Variants in NELL1 observed in about 807,000 individuals in gnomAD.
NELL1 encodes the protein neural EGFL like 1.
NELL1 carries 76 observed loss-of-function variants against 107.4 expected under a neutral mutation model. The ratio of observed to expected loss-of-function variants is 0.71; its 90% CI spans 0.59 to 0.86. The LOEUF is 0.86. Ranked by LOEUF, NELL1 falls within the 40% of genes least tolerant of loss-of-function variation. NELL1 has a pLI of 0.00. For synonymous variants in NELL1, 353 were observed against 341.2 expected, an observed-to-expected ratio of 1.03 and a Z score of -0.38; for missense variants, 1,024 against 1,005.5, an observed-to-expected ratio of 1.02 and a Z score of -0.25.
At chr11:20,721,234 T>TTATATATATATTTTGTTTATATA (rs1554906601) in intron 2 of NELL1, among the ~76,000 whole-genome samples, 48 of 138,846 alleles carry the variant, frequency 3.5e-4, no homozygotes, top group Middle Eastern at 3.9e-3. Flanking sequence ...TATATTTTGT[T>TTATATATATATTTTGTTTATATA]TATATATATA....
At chr11:21,573,090 T>C in intron 18 of NELL1, 95 bp from the exon 19 acceptor site, 2 of 888,046 alleles carry the variant, frequency 2.3e-6, no homozygotes, top group Admixed American at 4.3e-5. Context: ...TATTCAGTGA[T>C]GAGAATTACT....
At chr11:21,148,203 C>T (rs1208700111) in intron 13 of NELL1, among the ~76,000 whole-genome samples, 1 of 152,118 alleles carries the variant, frequency 6.6e-6, no homozygotes, top group African/African-American at 2.4e-5. Context: ...AAAAATAATT[C>T]CAGATAGCTC....
chr11:21,474,914 AG>A (rs1854285706), intron 15 of NELL1, among the ~76,000 whole-genome samples: 1 of 152,046 alleles, frequency 6.6e-6, no homozygotes, highest in Non-Finnish European at 1.5e-5. Flanking sequence ...CTCTCTTCCT[AG>A]TTATTTGACC....
chr11:20,903,162 A>G (rs780925529), intron 5 of NELL1, among the ~76,000 whole-genome samples: 18 of 152,066 alleles, frequency 1.2e-4, no homozygotes, highest in Non-Finnish European at 2.6e-4. Flanking sequence ...GAATATATGT[A>G]TATATGTGTG....
chr11:20,939,307 A>T (rs35495279), intron 10 of NELL1, among the ~76,000 whole-genome samples: 1 of 151,786 alleles, frequency 6.6e-6, no homozygotes, highest in East Asian at 1.9e-4. Context: ...GGTAAAAATG[A>T]CAATGTTATT....
intron 14 of NELL1, among the ~76,000 whole-genome samples, chr11:21,250,613 C>A (rs1394217469): frequency 6.6e-6 from 1 of 152,098 alleles, no homozygotes; most frequent in Non-Finnish European, 1.5e-5. Flanking sequence ...CAAACAAACT[C>A]AAAAGAGTCA....
intron 12 of NELL1, among the ~76,000 whole-genome samples, chr11:21,000,729 G>A (rs915992364): frequency 6.6e-6 from 1 of 152,184 alleles, no homozygotes; most frequent in African/African-American, 2.4e-5. Flanking sequence ...CATTTCTGAA[G>A]TTAAATATTC....
intron 15 of NELL1, among the ~76,000 whole-genome samples, chr11:21,478,951 T>C (rs756262142): frequency 6.6e-6 from 1 of 151,982 alleles, no homozygotes; most frequent in Non-Finnish European, 1.5e-5. Context: ...GTGCTCAATA[T>C]TGATCATCAG....
At chr11:21,066,826 C>T (rs575392791) in intron 12 of NELL1, among the ~76,000 whole-genome samples, 7 of 152,028 alleles carry the variant, frequency 4.6e-5, no homozygotes, top group African/African-American at 7.2e-5. Context: ...TGATGGTGCA[C>T]GCTTGTAATC....
chr11:21,229,203 C>T (rs544561659), intron 13 of NELL1, 129 bp from the exon 14 acceptor site: 72 of 966,420 alleles, frequency 7.5e-5, no homozygotes, highest in East Asian at 4.1e-4. Flanking sequence ...AACTTTTAGG[C>T]GCATAGTAAG....
At chr11:21,104,457 C>G (rs1854897963) in intron 12 of NELL1, among the ~76,000 whole-genome samples, 1 of 152,064 alleles carries the variant, frequency 6.6e-6, no homozygotes, top group Non-Finnish European at 1.5e-5. Context: ...TTGAGCCTAG[C>G]AAGGGGAAAT....
At chr11:20,874,783 C>T (rs1052406212) in intron 4 of NELL1, among the ~76,000 whole-genome samples, 2 of 152,136 alleles carry the variant, frequency 1.3e-5, no homozygotes, top group African/African-American at 2.4e-5. Flanking sequence ...CTCAAAGTGC[C>T]TCCTTATAGC....
At chr11:21,314,841 G>A (rs1295412721) in intron 14 of NELL1, among the ~76,000 whole-genome samples, 1 of 152,004 alleles carries the variant, frequency 6.6e-6, no homozygotes, top group African/African-American at 2.4e-5. Context: ...CTGGAAGAAA[G>A]TGCAGTGGAT....
intron 2 of NELL1, among the ~76,000 whole-genome samples, chr11:20,727,992 G>T (rs191169022): frequency 1.8e-4 from 28 of 152,216 alleles, no homozygotes; most frequent in African/African-American, 6.0e-4. Flanking sequence ...TTTAATAATA[G>T]TTATTCTAAC....
intron 12 of NELL1, among the ~76,000 whole-genome samples, chr11:21,093,095 G>A (rs1344794376): frequency 1.3e-5 from 2 of 152,106 alleles, no homozygotes; most frequent in African/African-American, 2.4e-5. Context: ...GGAAAAGCCC[G>A]ATTTGTAGTT....
At chr11:20,892,400 C>T (rs529378848) in intron 5 of NELL1, among the ~76,000 whole-genome samples, 11 of 152,206 alleles carry the variant, frequency 7.2e-5, no homozygotes, top group African/African-American at 1.9e-4. Flanking sequence ...TCATACCAGT[C>T]GGAATGGTGA....
At chr11:21,112,290 C>T (rs1411168093) in intron 12 of NELL1, among the ~76,000 whole-genome samples, 1 of 151,818 alleles carries the variant, frequency 6.6e-6, no homozygotes, top group African/African-American at 2.4e-5. Flanking sequence ...GATGTTATTT[C>T]AATATATTTT....
At chr11:20,732,137 C>G (rs1194137716) in intron 2 of NELL1, among the ~76,000 whole-genome samples, 1 of 151,994 alleles carries the variant, frequency 6.6e-6, no homozygotes, top group East Asian at 1.9e-4. Flanking sequence ...AGTCCTTTCC[C>G]TCGGTGGAAG....
At chr11:21,121,925 T>C (rs1050566643) in intron 13 of NELL1, among the ~76,000 whole-genome samples, 2 of 152,196 alleles carry the variant, frequency 1.3e-5, no homozygotes, top group African/African-American at 4.8e-5. Context: ...CATTTAGTGA[T>C]AGTAGTGTTA....
Sources: allele counts gnomAD v4.1 joint callset (sites outside exome capture counted in the v4.1 genomes callset), GRCh38; gene constraint gnomAD v4.1.1; transcripts MANE v1.5; gene names NCBI Gene and HGNC (gene_info 2026-07-23, HGNC 2026-07-21).